Variants in ARHGAP30 observed in about 807,000 individuals in gnomAD.
ARHGAP30 encodes the protein rho GTPase-activating protein 30.
ARHGAP30 carries 23 observed loss-of-function variants against 72.0 expected under a neutral mutation model. The ratio of observed to expected loss-of-function variants is 0.32; its 90% CI spans 0.23 to 0.45. ARHGAP30 has a LOEUF of 0.45. ARHGAP30 is among the 20% of genes least tolerant of loss of function. ARHGAP30 has a pLI of 1.00. For missense variants in ARHGAP30, 1,319 were observed against 1,383.4 expected (o/e 0.95, Z 0.74); for synonymous variants, 576 against 528.2 (o/e 1.09, Z -1.24).
chr1:161,056,698 G>T (rs1651901900), intron 2 of ARHGAP30, among the ~76,000 whole-genome samples, 166 bp from the exon 3 acceptor site: 2 of 152,156 alleles, frequency 1.3e-5, no homozygotes, highest in Admixed American at 1.3e-4. Flanking sequence ...ATAAGATATT[G>T]CATATGTTGA....
chr1:161,059,713 G>A lies in ARHGAP30; in HGVS notation c.101C>T (p.Pro34Leu). 1 of 1,612,206 alleles carries A rather than the reference G, an allele frequency of 6.2e-7. No homozygotes were observed. The highest frequency in any genetic ancestry group is 8.5e-7 in the Non-Finnish European group (1 of 1,178,866). Residue 34 changes from proline to leucine, a missense_variant, in exon 2 of 12, where the codon CCC (proline) becomes CTC (leucine). By Grantham distance (98) the Pro-to-Leu change is moderately conservative. Transcript: ENST00000368013. ...TTCTGCACAGCTCTTTAGCACCTGG[G>A]GCACTGGGGACACAGACGGGGCAGA... ...EHLQHSGQEV[P>L]QVLKSCAEFV...
In ARHGAP30 at chr1:161,047,175, C is replaced by G; in HGVS notation, c.*540G>C. 1 of 268,332 alleles carries G rather than the reference C, an allele frequency of 3.7e-6. No homozygotes were observed. The highest frequency in any genetic ancestry group is 3.4e-5 in the South Asian group (1 of 29,746). The allele number at this position is 268,332 out of a possible 1,614,324, so 16.6% of individuals were successfully genotyped here. ...GTGGGGAGCTGGAGAGGAGTCCAGT[C>G]CCTCCAACAAATATTGAGGGCTTCA... is the stretch of plus-strand genomic sequence containing the variant. On this transcript the variant is annotated 3_prime_UTR_variant, in exon 12 of 12. Transcript: ENST00000368013.
chr1:161,059,650 C>G lies in ARHGAP30; in HGVS notation c.164G>C (p.Arg55Pro), dbSNP rs757669760. 1.2e-6 allele frequency: 2 copies of G among 1,613,534 alleles called. No individual in the cohort carries two copies. Among genetic ancestry groups the G allele is most frequent in the Non-Finnish European group, 1.7e-6 (2 of 1,179,770 alleles). ...GATGTTGGAGGAGACCCCTGAGAGG[C>G]GGTAGATCCCATCCACCACTCCATA... ...EEYGVVDGIY[R>P]LSGVSSNIQK... Residue 55 changes from arginine to proline, a missense_variant, in exon 2 of 12, where the codon CGC (arginine) becomes CCC (proline). By Grantham distance (103) the Arg-to-Pro change is moderately radical (BLOSUM62 -2). Coordinates refer to ENST00000368013, the MANE Select transcript of ARHGAP30 (RefSeq NM_001025598.2).
Position 161,049,409 on chromosome 1 carries a change from C to T in ARHGAP30, c.1686+15G>A, listed in dbSNP as rs757060599. On this transcript the variant is annotated intron_variant, in intron 11 of 11. Transcript: ENST00000368013. ...GACTCCATGCCACCCCCAAACCCAGCACGGCTCTCCTTACCTGAGGCCCAA... is the reference window on the plus strand; with the variant it reads ...GACTCCATGCCACCCCCAAACCCAGTACGGCTCTCCTTACCTGAGGCCCAA... The T allele has an allele frequency of 6.2e-7, 1 of 1,601,778 alleles. No individual in the cohort carries two copies. The highest frequency in any genetic ancestry group is 8.5e-7 in the Non-Finnish European group (1 of 1,173,154).
chr1:161,063,625 C>T (rs1486990171), intron 1 of ARHGAP30, among the ~76,000 whole-genome samples: 1 of 152,242 alleles, frequency 6.6e-6, no homozygotes, highest in African/African-American at 2.4e-5. Flanking sequence ...AGGATAACAT[C>T]AATTGTTCAG....
At chr1:161,061,823 C>T (rs1016891527) in intron 1 of ARHGAP30, among the ~76,000 whole-genome samples, 16 of 152,140 alleles carry the variant, frequency 1.1e-4, no homozygotes, top group African/African-American at 3.4e-4. Context: ...CGTGGTGGCT[C>T]ACGCCTGTAA....
At position 161,069,698 on chromosome 1, in the gene ARHGAP30, T is replaced by C. The variant is rs1012817621; in HGVS notation, c.-74A>G. Reference sequence around the variant, plus strand: ...TGTGCCCTACCAGTCCCCCATGGGATCCCAGCCAGCTGCTGGGCTTGGCCC... The same window carrying C: ...TGTGCCCTACCAGTCCCCCATGGGACCCCAGCCAGCTGCTGGGCTTGGCCC... On this transcript the variant is annotated 5_prime_UTR_variant, in exon 1 of 12. Transcript: ENST00000368013. This position sits in a 1 kb window ranked among gnomAD's most constrained non-coding sequence, Gnocchi z 4.9. The C allele has an allele frequency of 1.3e-6, 2 of 1,510,096 alleles. No individual in the cohort carries two copies. Among genetic ancestry groups the C allele is most frequent in the African/African-American group, 2.8e-5 (2 of 72,652 alleles). The allele number at this position is 1,510,096 out of a possible 1,614,324, so 93.5% of individuals were successfully genotyped here.
intron 2 of ARHGAP30, among the ~76,000 whole-genome samples, chr1:161,058,926 T>C (rs1342433878): frequency 6.6e-6 from 1 of 151,868 alleles, no homozygotes; most frequent in East Asian, 1.9e-4. Context: ...TTCATCACTA[T>C]CTAAAGTAAA....
At position 161,051,604 on chromosome 1, in the gene ARHGAP30, T is replaced by C. The variant is rs944577892; in HGVS notation, c.1130A>G (p.Glu377Gly). 1.9e-6 allele frequency: 3 copies of C among 1,613,642 alleles called. No homozygotes were observed. In the African/African-American group the frequency reaches 4.0e-5, roughly 22 times the overall value. ...TTCAGAGTTTGTGCCACCCAGTGCT[T>C]CTGCCTCAGGCTCCTGTTCACCCTC... ...AAEGEQEPEA[E>G]ALGGTNSEPG... is the part of the protein sequence containing the mutation. The change falls in exon 10 of 12, where the codon GAA (glutamate) becomes GGA (glycine). Residue 377 changes from glutamate (E) to glycine (G), a missense_variant. Coordinates refer to ENST00000368013, the MANE Select transcript of ARHGAP30 (RefSeq NM_001025598.2).
chr1:161,059,345 T>G (rs7556492), intron 2 of ARHGAP30, among the ~76,000 whole-genome samples: 39,294 of 151,410 alleles, frequency 0.26, 7,711 homozygotes, highest in African/African-American at 0.55. Context: ...TTTTTTTTTT[T>G]TTTTTTTTAA....
At chr1:161,058,764 G>A (rs1235340556) in intron 2 of ARHGAP30, among the ~76,000 whole-genome samples, 1 of 150,876 alleles carries the variant, frequency 6.6e-6, no homozygotes, top group Non-Finnish European at 1.5e-5. Context: ...AGGAGGCCGA[G>A]GCAGGAGAAT....
chr1:161,048,965 C>T lies in ARHGAP30; in HGVS notation c.2056G>A (p.Gly686Arg). The stretch of plus-strand genomic sequence containing the variant: ...TCCCCTCTATCCTCACTGGCCTTTC[C>T]AGCCTCCACCTTGGTCTCTGGACTT... ...EGSPETKVEAGKASEDRGEAG... is the reference protein window; with the variant it reads ...EGSPETKVEARKASEDRGEAG... The change falls in exon 12 of 12, where the codon GGA becomes AGA. Residue 686 changes from glycine to arginine, a missense_variant. Physicochemically the swap from Gly to Arg is moderately radical, Grantham distance 125. Around this residue, in one of 2 missense-constraint regions of ARHGAP30, gnomAD observed 1,097 missense variants for 1,045.2 expected, o/e 1.05. Coordinates refer to ENST00000368013, the MANE Select transcript of ARHGAP30 (RefSeq NM_001025598.2). 1 of 1,613,836 alleles carries T rather than the reference C, an allele frequency of 6.2e-7. No homozygotes were observed. The highest frequency in any genetic ancestry group is 8.5e-7 in the Non-Finnish European group (1 of 1,180,028).
rs558048100 is a variant in ARHGAP30 at position 161,063,201 on chromosome 1, C to T, written c.98-3485G>A. Reference sequence around the variant, plus strand: ...CTCCTGACATATAATAACATCCTCCCAGCATCTGGCACAATGTTGAAACAG... The same window carrying T: ...CTCCTGACATATAATAACATCCTCCTAGCATCTGGCACAATGTTGAAACAG... On this transcript the variant is annotated intron_variant, in intron 1 of 11. Coordinates refer to ENST00000368013, the MANE Select transcript of ARHGAP30 (RefSeq NM_001025598.2). Among the ~76,000 whole-genome samples, 47 of 152,306 alleles carry T rather than the reference C, an allele frequency of 3.1e-4. No individual in the cohort carries two copies. The Middle Eastern group carries it at 0.014, about 44-fold the overall frequency.
In ARHGAP30 at chr1:161,052,494, C is replaced by G. The variant is rs1174857511; in HGVS notation, c.886G>C (p.Gly296Arg). The change falls in exon 8 of 12, where the codon GGT (glycine) becomes CGT (arginine). Residue 296 changes from glycine (G) to arginine (R), a missense_variant. Gly to Arg is a moderately radical substitution (Grantham distance 125). Around this residue, in one of 2 missense-constraint regions of ARHGAP30, gnomAD observed 1,097 missense variants for 1,045.2 expected, o/e 1.05. Coordinates refer to ENST00000368013, the MANE Select transcript of ARHGAP30 (RefSeq NM_001025598.2). ...CGCTTAGTCTCATGGCCAGAGCGAC[C>G]TAAATTGAAGATAGACCTCCACTTC... ...VRKWRSIFNL[G>R]RSGHETKRKL... 4 of 1,613,926 alleles carry G rather than the reference C, an allele frequency of 2.5e-6. No homozygotes were observed. In the East Asian group the frequency reaches 8.9e-5, roughly 36 times the overall value.
At position 161,069,414 on chromosome 1, in the gene ARHGAP30, C is replaced by A; in HGVS notation, c.97+114G>T. The stretch of plus-strand genomic sequence containing the variant: ...GTTCTCTTGAATGGTGACCCCAGGC[C>A]ACTGCCCCTTCCCCAGGAGCACCGG... On this transcript the variant is annotated intron_variant, in intron 1 of 11. Coordinates refer to ENST00000368013, the MANE Select transcript of ARHGAP30 (RefSeq NM_001025598.2). This position sits in a 1 kb window ranked among gnomAD's most constrained non-coding sequence, Gnocchi z 4.9. 1 of 1,040,652 alleles carries A rather than the reference C, an allele frequency of 9.6e-7. No individual in the cohort carries two copies. Among genetic ancestry groups the A allele is most frequent in the Non-Finnish European group, 1.4e-6 (1 of 696,350 alleles). 64.5% of individuals were successfully genotyped at this position (1,040,652 alleles called of 1,614,324 possible).
intron 1 of ARHGAP30, among the ~76,000 whole-genome samples, chr1:161,061,167 T>G (rs972863774): frequency 6.6e-6 from 1 of 151,950 alleles, no homozygotes; most frequent in Non-Finnish European, 1.5e-5. Context: ...GGGTTCTGTT[T>G]GTTTGTTTGT....
At position 161,055,363 on chromosome 1, in the gene ARHGAP30, C is replaced by T. The variant is rs997643718; in HGVS notation, c.346-658G>A. 3.3e-5 allele frequency among the ~76,000 whole-genome samples: 5 copies of T among 152,166 alleles called. No individual in the cohort carries two copies. In the South Asian group the frequency reaches 8.3e-4, roughly 25 times the overall value. On this transcript the variant is annotated intron_variant, in intron 3 of 11. Coordinates refer to ENST00000368013, the MANE Select transcript of ARHGAP30 (RefSeq NM_001025598.2). ...TAAAAATCAGCCAGGCATGGTGGTG[C>T]ACGCCTGTAGTCCCATCTACTCAGG...
At chr1:161,054,834 C>T in intron 3 of ARHGAP30, 129 bp from the exon 4 acceptor site, 2 of 770,276 alleles carry the variant, frequency 2.6e-6, no homozygotes, top group Non-Finnish European at 4.4e-6. Context: ...CCTACATCAT[C>T]TGCGGTGCAC....
intron 1 of ARHGAP30, among the ~76,000 whole-genome samples, chr1:161,065,784 C>T (rs923208470): frequency 6.6e-6 from 1 of 152,064 alleles, no homozygotes; most frequent in Non-Finnish European, 1.5e-5. Flanking sequence ...TCAGGCTGGT[C>T]TCAAACTCCC....
Sources: allele counts gnomAD v4.1 joint callset (sites outside exome capture counted in the v4.1 genomes callset), GRCh38; gene constraint gnomAD v4.1.1; regional missense constraint gnomAD v4.1.1; non-coding constraint Gnocchi (gnomAD v3.1); transcripts MANE v1.5; gene names NCBI Gene and HGNC (gene_info 2026-07-23, HGNC 2026-07-21).